Variants in MAST2 observed in about 807,000 individuals in gnomAD.
The protein encoded by MAST2 is microtubule-associated serine/threonine-protein kinase 2.
MAST2 carries 70 observed loss-of-function variants against 147.4 expected under a neutral mutation model. That is an observed-to-expected ratio of 0.47 (90% confidence interval 0.39 to 0.58). The LOEUF is 0.58. Ranked by LOEUF, MAST2 falls within the 20% of genes least tolerant of loss-of-function variation. MAST2 has a pLI of 0.00. For missense variants in MAST2, 2,080 were observed against 2,302.3 expected (o/e 0.90, Z 1.98); for synonymous variants, 869 against 896.8 (o/e 0.97, Z 0.55).
chr1:46,023,342 G>C lies in MAST2; in HGVS notation c.1571+24G>C, dbSNP rs1459528482. ...GGGTAAAGGCAGGGGTCAGGGTGTG[G>C]CCAGGACTGAAGCCGGGTCAGCCTT... On this transcript the variant is annotated intron_variant, in intron 14 of 28. Transcript: ENST00000361297. The surrounding 1 kb of genome is among the most constrained non-coding windows in gnomAD (Gnocchi z 4.9). 1.2e-6 allele frequency: 2 copies of C among 1,606,632 alleles called. No individual in the cohort carries two copies. Among genetic ancestry groups the C allele is most frequent in the Admixed American group, 3.3e-5 (2 of 59,988 alleles).
chr1:45,983,962 G>A (rs373784664), intron 5 of MAST2, among the ~76,000 whole-genome samples: 1 of 152,122 alleles, frequency 6.6e-6, no homozygotes, highest in Admixed American at 6.5e-5. Flanking sequence ...ATTTGAAGAT[G>A]GACGTTTAGA....
At chr1:46,027,625 A>C in intron 16 of MAST2, 106 bp from the exon 17 acceptor site, 4 of 1,240,422 alleles carry the variant, frequency 3.2e-6, no homozygotes, top group East Asian at 4.8e-5. Context: ...CTTGTGTCTC[A>C]CAGTACCCCC....
intron 1 of MAST2, among the ~76,000 whole-genome samples, chr1:45,806,346 C>G (rs1644141589): frequency 6.6e-6 from 1 of 152,174 alleles, no homozygotes; most frequent in Non-Finnish European, 1.5e-5. Flanking sequence ...AGAAACAGTT[C>G]TTTTTCATTG....
chr1:46,025,155 C>CA (rs955529600), intron 15 of MAST2, among the ~76,000 whole-genome samples: 1 of 151,972 alleles, frequency 6.6e-6, no homozygotes, highest in Non-Finnish European at 1.5e-5. Context: ...CCCGTCTCTA[C>CA]AAAAAATGCA....
At chr1:45,825,976 C>G (rs1330226891) in intron 2 of MAST2, among the ~76,000 whole-genome samples, 1 of 151,884 alleles carries the variant, frequency 6.6e-6, no homozygotes, top group African/African-American at 2.4e-5. Context: ...ACTCCGGAGG[C>G]TGAGGCACAA....
intron 5 of MAST2, among the ~76,000 whole-genome samples, chr1:45,962,899 C>T (rs1233669517): frequency 6.6e-6 from 1 of 152,154 alleles, no homozygotes; most frequent in Non-Finnish European, 1.5e-5. Context: ...GGTTTTAGGT[C>T]TAACATTTAA....
chr1:45,980,951 A>C (rs1177107642), intron 5 of MAST2, among the ~76,000 whole-genome samples: 2 of 152,186 alleles, frequency 1.3e-5, no homozygotes, highest in East Asian at 3.9e-4. Flanking sequence ...TTATCAAAAC[A>C]GGGGAATTTC....
At chr1:45,977,290 C>G (rs1644201361) in intron 5 of MAST2, among the ~76,000 whole-genome samples, 1 of 150,682 alleles carries the variant, frequency 6.6e-6, no homozygotes, top group Non-Finnish European at 1.5e-5. Flanking sequence ...GAGTTCGAGA[C>G]CAGCCTGGCT....
chr1:45,987,720 T>C (rs1291319327), intron 5 of MAST2, among the ~76,000 whole-genome samples: 1 of 150,140 alleles, frequency 6.7e-6, no homozygotes, highest in African/African-American at 2.4e-5. Flanking sequence ...CATTTGCTCC[T>C]CTTTTTTAAA....
Position 46,030,611 on chromosome 1 carries a change from A to G in MAST2, c.2558A>G (p.Tyr853Cys), listed in dbSNP as rs368250045. ...SSCSPRFNKV[Y>C]SSMERLSLLE... ...GCGCATCCCCTGTGCCCACAGGTGTACAGCAGCATGGAGCGGCTCTCACTG... is the reference window on the plus strand; with the variant it reads ...GCGCATCCCCTGTGCCCACAGGTGTGCAGCAGCATGGAGCGGCTCTCACTG... The change falls in exon 22 of 29, where the codon TAC (tyrosine) becomes TGC (cysteine). Residue 853 changes from tyrosine to cysteine, a missense_variant. By Grantham distance (194) the Tyr-to-Cys change is radical. Around this residue, in one of 4 missense-constraint regions of MAST2, gnomAD observed 1,278 missense variants for 1,304.2 expected, o/e 0.98. Coordinates refer to ENST00000361297, the MANE Select transcript of MAST2 (RefSeq NM_015112.3). 1.3e-5 allele frequency: 21 copies of G among 1,608,632 alleles called. No individual in the cohort carries two copies. The highest frequency in any genetic ancestry group is 1.7e-5 in the Admixed American group (1 of 58,954).
intron 4 of MAST2, among the ~76,000 whole-genome samples, chr1:45,886,202 A>C (rs1421895761): frequency 1.3e-5 from 2 of 149,666 alleles, no homozygotes; most frequent in African/African-American, 2.4e-5. Flanking sequence ...TGATACTGAG[A>C]TAGAGATAGA....
At chr1:45,883,307 A>G (rs1646927913) in intron 4 of MAST2, among the ~76,000 whole-genome samples, 1 of 152,196 alleles carries the variant, frequency 6.6e-6, no homozygotes, top group Non-Finnish European at 1.5e-5. Context: ...ACATGTAGTA[A>G]TTCTTTCTGT....
intron 4 of MAST2, among the ~76,000 whole-genome samples, chr1:45,950,983 T>C (rs1223222044): frequency 6.6e-6 from 1 of 151,984 alleles, no homozygotes; most frequent in African/African-American, 2.4e-5. Context: ...TTTAGGAGGC[T>C]GAGGTGGGAG....
intron 1 of MAST2, among the ~76,000 whole-genome samples, chr1:45,806,864 A>G (rs1195954128): frequency 6.6e-6 from 1 of 152,050 alleles, no homozygotes; most frequent in Non-Finnish European, 1.5e-5. Flanking sequence ...GGCGTGAACT[A>G]CCACGGCCTA....
chr1:45,972,676 C>T (rs958628723), intron 5 of MAST2, among the ~76,000 whole-genome samples: 1 of 152,182 alleles, frequency 6.6e-6, no homozygotes, highest in African/African-American at 2.4e-5. Flanking sequence ...TCAGGTTACC[C>T]GCACCCCATC....
intron 26 of MAST2, 62 bp downstream of exon 26, chr1:46,032,780 G>C (rs1646727931): frequency 7.6e-6 from 12 of 1,573,010 alleles, no homozygotes; most frequent in Non-Finnish European, 1.0e-5. Flanking sequence ...AGTCTGTGAT[G>C]GCAGTTAGGG....
rs866374580 is a variant in MAST2, at chr1:45,979,441, T to G, written c.593-18283T>G. ...TGTCAGATTTTTTGTTTTTTTTTTTTTTTTTTGGTCCCATTGAGCCAGTTA... is the reference window on the plus strand; with the variant it reads ...TGTCAGATTTTTTGTTTTTTTTTTTGTTTTTTGGTCCCATTGAGCCAGTTA... On this transcript the variant is annotated intron_variant, in intron 5 of 28. Transcript: ENST00000361297. Among the ~76,000 whole-genome samples the G allele has an allele frequency of 8.0e-4, 122 of 152,034 alleles. 1 individual carries two copies. The highest frequency in any genetic ancestry group is 2.8e-3 in the African/African-American group (115 of 41,498).
At chr1:46,005,453 T>G (rs1304354525) in intron 7 of MAST2, among the ~76,000 whole-genome samples, 1 of 152,140 alleles carries the variant, frequency 6.6e-6, no homozygotes, top group African/African-American at 2.4e-5. Context: ...GTCAGTCTTG[T>G]CAGGTAATGG....
intron 4 of MAST2, among the ~76,000 whole-genome samples, chr1:45,886,326 A>G (rs1157650341): frequency 6.7e-6 from 1 of 149,972 alleles, no homozygotes; most frequent in East Asian, 2.0e-4. Context: ...ACACACACAC[A>G]CACACACACA....
Sources: allele counts gnomAD v4.1 joint callset (sites outside exome capture counted in the v4.1 genomes callset), GRCh38; gene constraint gnomAD v4.1.1; regional missense constraint gnomAD v4.1.1; non-coding constraint Gnocchi (gnomAD v3.1); transcripts MANE v1.5; gene names NCBI Gene and HGNC (gene_info 2026-07-23, HGNC 2026-07-21).